PAQR5: variants seen among roughly 807,000 people sequenced by gnomAD.
The protein encoded by PAQR5 is progestin and adipoQ receptor family member 5.
A neutral mutation model predicts 34.5 loss-of-function variants in PAQR5; 20 were observed. The observed-to-expected ratio is 0.58, with a 90% CI of 0.41 to 0.84. PAQR5 has a LOEUF of 0.84. PAQR5 is among the 40% of genes least tolerant of loss of function. PAQR5 has a pLI of 0.00. For synonymous variants in PAQR5, 131 were observed against 155.6 expected (o/e 0.84, Z 1.18); for missense variants, 378 against 412.7 (o/e 0.92, Z 0.73).
intron 1 of PAQR5, among the ~76,000 whole-genome samples, chr15:69,310,911 C>A (rs913210590): frequency 6.6e-6 from 1 of 151,206 alleles, no homozygotes; most frequent in Non-Finnish European, 1.5e-5. Context: ...TGGTGGCGGG[C>A]GCCTGTAGTC....
chr15:69,320,780 G>A (rs904963329), intron 1 of PAQR5, among the ~76,000 whole-genome samples: 7 of 152,110 alleles, frequency 4.6e-5, no homozygotes, highest in Non-Finnish European at 8.8e-5. Flanking sequence ...AGTTCAAGAA[G>A]GGATACTATT....
In PAQR5 at chr15:69,360,138, G is replaced by A. The variant is rs2055194352; in HGVS notation, c.51+7G>A. 1.2e-6 allele frequency: 2 copies of A among 1,608,502 alleles called. No individual in the cohort carries two copies. The highest frequency in any genetic ancestry group is 2.7e-5 in the African/African-American group (2 of 74,780). On this transcript the variant is annotated splice_region_variant and intron_variant, in intron 3 of 8. Transcript: ENST00000395407. ...CATAGACCAGATACCCCAGGTATGT[G>A]CTCTATTGATTATGATGGTTCATTT...
chr15:69,379,348 C>T (rs2055814292), intron 3 of PAQR5: 1 of 850,058 alleles, frequency 1.2e-6, no homozygotes, highest in African/African-American at 1.8e-5. Context: ...CTGTGGGCAG[C>T]CACCTCCTCT....
At chr15:69,403,182 T>A (rs1265114748) in intron 8 of PAQR5, among the ~76,000 whole-genome samples, 3 of 152,246 alleles carry the variant, frequency 2.0e-5, no homozygotes, top group Non-Finnish European at 2.9e-5. Flanking sequence ...TAAAAAAGAA[T>A]TTGGATTTGG....
chr15:69,319,162 T>C (rs2054026829), intron 1 of PAQR5, among the ~76,000 whole-genome samples: 1 of 566 alleles, frequency 1.8e-3, no homozygotes, highest in Admixed American at 0.023. Flanking sequence ...TATATACATA[T>C]ATATATATAT....
intron 8 of PAQR5, 93 bp downstream of exon 8, chr15:69,400,208 A>G (rs2056581147): frequency 7.7e-7 from 1 of 1,292,208 alleles, no homozygotes; most frequent in Non-Finnish European, 1.1e-6. Context: ...TGCAAAGGGC[A>G]GGGAAGGGCA....
At chr15:69,395,608 G>C (rs2056401381) in intron 6 of PAQR5, among the ~76,000 whole-genome samples, 1 of 152,182 alleles carries the variant, frequency 6.6e-6, no homozygotes, top group Non-Finnish European at 1.5e-5. Flanking sequence ...CACAGTCATT[G>C]TCCCTGTGTT....
intron 1 of PAQR5, among the ~76,000 whole-genome samples, chr15:69,322,811 G>GGAAGAAGAAGAA (rs1360531654): frequency 0.017 from 425 of 25,358 alleles, 156 homozygotes; most frequent in Middle Eastern, 0.075. Flanking sequence ...AAGAGGAAGA[G>GGAAGAAGAAGAA]GAAGAAGAAG....
At chr15:69,305,832 A>C (rs1393574751) in intron 1 of PAQR5, among the ~76,000 whole-genome samples, 2 of 152,172 alleles carry the variant, frequency 1.3e-5, no homozygotes, top group Non-Finnish European at 2.9e-5. Flanking sequence ...CGTCCACGGA[A>C]ACCCCCTTCT....
intron 1 of PAQR5, among the ~76,000 whole-genome samples, chr15:69,300,939 CTTTCTTTCCTTCTTTCTTTCTTTCTT>C (rs1366970257): frequency 8.0e-5 from 3 of 37,278 alleles, no homozygotes; most frequent in Middle Eastern, 0.016. Context: ...CTCTCTCTCT[CTTTCTTTCCTTCTTTCTTTCTTTCTT>C]TCTTTCTTTC....
intron 1 of PAQR5, among the ~76,000 whole-genome samples, chr15:69,305,181 G>T (rs2053687289): frequency 6.6e-6 from 1 of 152,158 alleles, no homozygotes. Context: ...CTTCTACCCA[G>T]CAGACACTGC....
intron 1 of PAQR5, among the ~76,000 whole-genome samples, chr15:69,300,306 A>T (rs1320376267): frequency 1.3e-5 from 2 of 152,014 alleles, no homozygotes; most frequent in Non-Finnish European, 2.9e-5. Context: ...CCCTGCAGGG[A>T]CCTGCTTTGT....
At chr15:69,363,960 T>G (rs2055315453) in intron 3 of PAQR5, among the ~76,000 whole-genome samples, 1 of 152,136 alleles carries the variant, frequency 6.6e-6, no homozygotes, top group Non-Finnish European at 1.5e-5. Context: ...GAGGATTCCC[T>G]GAGGCAGTGG....
rs148999686 is a variant in PAQR5, at chr15:69,354,217, A to T, written c.-115-5749A>T. Among the ~76,000 whole-genome samples, 11 of 152,356 alleles carry T rather than the reference A, an allele frequency of 7.2e-5. No homozygotes were observed. In the East Asian group the frequency reaches 1.9e-3, roughly 27 times the overall value. On this transcript the variant is annotated intron_variant, in intron 2 of 8. Coordinates refer to ENST00000395407, the MANE Select transcript of PAQR5 (RefSeq NM_017705.4). ...CTTACTGAAGGCAAAGAGAATGCAG[A>T]TGGGTAGTAGAAGAAGATAGTTATC... is the stretch of plus-strand genomic sequence containing the variant.
intron 1 of PAQR5, among the ~76,000 whole-genome samples, chr15:69,307,344 C>T (rs2053741201): frequency 6.6e-6 from 1 of 152,128 alleles, no homozygotes; most frequent in Admixed American, 6.5e-5. Flanking sequence ...AGTGGAGTTT[C>T]TGGGTCATAT....
At chr15:69,355,771 T>C (rs1200533809) in intron 2 of PAQR5, among the ~76,000 whole-genome samples, 1 of 152,122 alleles carries the variant, frequency 6.6e-6, no homozygotes, top group Non-Finnish European at 1.5e-5. Flanking sequence ...ACAAGGATAG[T>C]CTTATTCATC....
chr15:69,324,829 T>A (rs773900931), intron 1 of PAQR5, among the ~76,000 whole-genome samples: 3 of 151,906 alleles, frequency 2.0e-5, no homozygotes, highest in Non-Finnish European at 4.4e-5. Context: ...TGTCCTGCTA[T>A]ACCCTCAGCT....
chr15:69,331,935 C>T (rs2054388700), intron 1 of PAQR5, among the ~76,000 whole-genome samples: 1 of 152,128 alleles, frequency 6.6e-6, no homozygotes, highest in African/African-American at 2.4e-5. Context: ...TTGTAAGTGG[C>T]TTGAACCTCA....
chr15:69,374,509 CT>C lies in PAQR5; in HGVS notation c.52-5373del, dbSNP rs530680042. 9.5e-4 allele frequency among the ~76,000 whole-genome samples: 144 copies of C among 152,230 alleles called. 1 individual carries two copies. The highest frequency in any genetic ancestry group is 1.6e-3 in the Non-Finnish European group (109 of 68,012). The stretch of plus-strand genomic sequence containing the variant: ...TGACCAACATGTTGAAACCCTATCT[CT>C]ACTAAAAATACAAAAATTTAGCTGG... On this transcript the variant is annotated intron_variant, in intron 3 of 8. Transcript: ENST00000395407.
Sources: gnomAD v4.1 joint callset for allele counts (sites outside exome capture counted in the v4.1 genomes callset) on GRCh38, gnomAD v4.1.1 for gene constraint, MANE v1.5 for transcripts, NCBI Gene and HGNC (gene_info 2026-07-23, HGNC 2026-07-21) for gene names.